Variants in MLLT3 observed in about 807,000 individuals in gnomAD.
MLLT3 encodes the protein protein AF-9.
In MLLT3, 4 loss-of-function variants were observed where a neutral mutation model predicts 53.2. The ratio of observed to expected loss-of-function variants is 0.08; its 90% confidence interval spans 0.04 to 0.17. MLLT3 has a LOEUF of 0.17. MLLT3 is among the 10% of genes least tolerant of loss of function. The pLI is 1.00. For synonymous variants in MLLT3, 283 were observed against 230.6 expected, an observed-to-expected ratio of 1.23 and a Z score of -2.06; for missense variants, 569 against 684.0, an observed-to-expected ratio of 0.83 and a Z score of 1.87.
At chr9:20,543,672 AAGG>A (rs1431220545) in intron 2 of MLLT3, among the ~76,000 whole-genome samples, 1 of 151,652 alleles carries the variant, frequency 6.6e-6, no homozygotes, top group Non-Finnish European at 1.5e-5. Context: ...GAAGGAGGAG[AAGG>A]AGAAGAGGAG....
chr9:20,439,588 G>A (rs1230658353), intron 4 of MLLT3, among the ~76,000 whole-genome samples: 1 of 152,084 alleles, frequency 6.6e-6, no homozygotes, highest in Non-Finnish European at 1.5e-5. Flanking sequence ...CAGAGCACCA[G>A]GAAGGGGAGT....
intron 4 of MLLT3, among the ~76,000 whole-genome samples, chr9:20,428,595 G>A (rs1346596565): frequency 1.3e-5 from 2 of 151,974 alleles, no homozygotes; most frequent in Non-Finnish European, 2.9e-5. Context: ...CCTCGTCTGT[G>A]AAGAAAATGA....
At chr9:20,524,536 AT>A (rs1396616235) in intron 2 of MLLT3, among the ~76,000 whole-genome samples, 1 of 152,124 alleles carries the variant, frequency 6.6e-6, no homozygotes, top group Non-Finnish European at 1.5e-5. Flanking sequence ...TTTAAAAAAA[AT>A]GACAGGCTCT....
At chr9:20,609,043 C>A (rs1424821551) in intron 2 of MLLT3, among the ~76,000 whole-genome samples, 1 of 151,990 alleles carries the variant, frequency 6.6e-6, no homozygotes, top group Non-Finnish European at 1.5e-5. Flanking sequence ...AAAAAAGATA[C>A]TCTGTCAAGA....
chr9:20,600,344 T>C (rs7032222), intron 2 of MLLT3, among the ~76,000 whole-genome samples: 2,901 of 152,312 alleles, frequency 0.019, 81 homozygotes, highest in African/African-American at 0.065. Flanking sequence ...GTTTTGTTGC[T>C]ATCCTCCATG....
At chr9:20,498,644 AT>A (rs753215523) in intron 2 of MLLT3, among the ~76,000 whole-genome samples, 1 of 151,916 alleles carries the variant, frequency 6.6e-6, no homozygotes. Flanking sequence ...TGTGATTTGT[AT>A]TTTTTTTAGC....
At chr9:20,374,584 G>A (rs1821705028) in intron 5 of MLLT3, among the ~76,000 whole-genome samples, 1 of 152,166 alleles carries the variant, frequency 6.6e-6, no homozygotes, top group Admixed American at 6.5e-5. Context: ...AACAATCTAT[G>A]CACTAGCGAA....
At chr9:20,420,220 A>G (rs1352923009) in intron 4 of MLLT3, among the ~76,000 whole-genome samples, 14 of 152,230 alleles carry the variant, frequency 9.2e-5, no homozygotes, top group African/African-American at 3.1e-4. Flanking sequence ...ACAAATATGA[A>G]TAATGAACAA....
chr9:20,389,054 C>A (rs1822117082), intron 5 of MLLT3, among the ~76,000 whole-genome samples: 1 of 152,204 alleles, frequency 6.6e-6, no homozygotes, highest in Admixed American at 6.5e-5. Flanking sequence ...TCCACAAAAA[C>A]CTGTTTTCAG....
At chr9:20,396,990 T>C (rs1190643282) in intron 5 of MLLT3, among the ~76,000 whole-genome samples, 1 of 152,182 alleles carries the variant, frequency 6.6e-6, no homozygotes, top group Non-Finnish European at 1.5e-5. Context: ...TGAAAATTTA[T>C]AAATACACAT....
chr9:20,606,460 A>G (rs577410862), intron 2 of MLLT3, among the ~76,000 whole-genome samples: 1 of 152,120 alleles, frequency 6.6e-6, no homozygotes, highest in Admixed American at 6.6e-5. Context: ...AAACAAAGTA[A>G]TAAGTGCTCA....
chr9:20,609,888 A>G lies in MLLT3; in HGVS notation c.193+10766T>C, dbSNP rs1011543213. 3.9e-5 allele frequency among the ~76,000 whole-genome samples: 6 copies of G among 152,122 alleles called. No individual in the cohort carries two copies. The East Asian group carries it at 1.2e-3, about 29-fold the overall frequency. On this transcript the variant is annotated intron_variant, in intron 2 of 10. Coordinates refer to ENST00000380338, the MANE Select transcript of MLLT3 (RefSeq NM_004529.4). ...ATATTGGTATTTTATTTTCTCAAGAATATCATTCTCCGAACTACTACTTAG... is the reference window on the plus strand; with the variant it reads ...ATATTGGTATTTTATTTTCTCAAGAGTATCATTCTCCGAACTACTACTTAG...
chr9:20,482,901 C>A (rs1824700797), intron 2 of MLLT3, among the ~76,000 whole-genome samples: 1 of 152,138 alleles, frequency 6.6e-6, no homozygotes, highest in Non-Finnish European at 1.5e-5. Context: ...TACCCGATAA[C>A]CTGTTAGGTG....
intron 5 of MLLT3, among the ~76,000 whole-genome samples, chr9:20,376,629 G>T (rs1430706240): frequency 6.6e-6 from 1 of 152,038 alleles, no homozygotes; most frequent in Non-Finnish European, 1.5e-5. Context: ...AAATGGCCTC[G>T]GGGAGCAGGG....
In MLLT3 at chr9:20,346,476, T is replaced by G; in HGVS notation, c.1674A>C (p.Leu558=). Reference sequence around the variant, plus strand: ...TTCCAGATGTTTCCAGGTAACTCTGTAGTTTACGGACTGTGGTTTTGTCCA... The same window carrying G: ...TTCCAGATGTTTCCAGGTAACTCTGGAGTTTACGGACTGTGGTTTTGTCCA... The part of the protein sequence containing the change: ...CSLDKTTVRK[L]QSYLETSGTS The change falls in exon 11 of 11, where the codon CTA becomes CTC. Residue 558 remains leucine (L), a synonymous_variant. Transcript: ENST00000380338. The G allele has an allele frequency of 6.2e-7, 1 of 1,613,610 alleles. No individual in the cohort carries two copies. The highest frequency in any genetic ancestry group is 8.5e-7 in the Non-Finnish European group (1 of 1,179,748).
chr9:20,544,948 T>C (rs940733011), intron 2 of MLLT3, among the ~76,000 whole-genome samples: 7 of 151,612 alleles, frequency 4.6e-5, no homozygotes, highest in Admixed American at 1.3e-4. Flanking sequence ...GCCAACGTGG[T>C]GGCGCACATC....
intron 2 of MLLT3, among the ~76,000 whole-genome samples, chr9:20,594,026 C>T (rs1238787806): frequency 6.7e-6 from 1 of 149,660 alleles, no homozygotes; most frequent in South Asian, 2.1e-4. Context: ...CTGCAACATC[C>T]GTCTCCTGGG....
chr9:20,583,929 G>A (rs992637053), intron 2 of MLLT3, among the ~76,000 whole-genome samples: 2 of 152,206 alleles, frequency 1.3e-5, no homozygotes, highest in African/African-American at 4.8e-5. Flanking sequence ...AATTTCTGTA[G>A]AGGGCTTGAA....
At position 20,344,680 on chromosome 9, in the gene MLLT3, GA is replaced by G. The variant is rs1383051106; in HGVS notation, c.*1762del. ...ATGGCTGTATTATAATTTTTTAAAG[GA>G]AAAATAGTTTCTTTGGATAGAAAGA... On this transcript the variant is annotated 3_prime_UTR_variant, in exon 11 of 11. Transcript: ENST00000380338. 2.4e-5 allele frequency: 5 copies of G among 207,080 alleles called. No homozygotes were observed. The highest frequency in any genetic ancestry group is 2.2e-4 in the East Asian group (3 of 13,718). The allele number at this position is 207,080 out of a possible 1,614,324, so 12.8% of individuals were successfully genotyped here.
Sources: gnomAD v4.1 joint callset for allele counts (sites outside exome capture counted in the v4.1 genomes callset) on GRCh38, gnomAD v4.1.1 for gene constraint, MANE v1.5 for transcripts, NCBI Gene and HGNC (gene_info 2026-07-23, HGNC 2026-07-21) for gene names.